IL1RAPL2: variants seen among roughly 807,000 people sequenced by gnomAD.
The protein encoded by IL1RAPL2 is X-linked interleukin-1 receptor accessory protein-like 2.
A neutral mutation model predicts 44.1 loss-of-function variants in IL1RAPL2; 3 were observed. The ratio of observed to expected loss-of-function variants is 0.07; its 90% CI spans 0.03 to 0.18. The LOEUF is 0.18. Among genes scored for constraint, IL1RAPL2 ranks in the 10% least tolerant of loss-of-function variants. IL1RAPL2 has a pLI of 1.00. For missense variants in IL1RAPL2, 391 were observed against 496.4 expected (o/e 0.79, Z 2.02); for synonymous variants, 181 against 178.8 (o/e 1.01, Z -0.10).
intron 5 of IL1RAPL2, among the ~76,000 whole-genome samples, chrX:105,290,338 C>T (rs917225291): frequency 9.0e-6 from 1 of 111,402 alleles, no homozygotes; most frequent in Non-Finnish European, 1.9e-5. Context: ...AGTAGAGACA[C>T]ATACAAAATA....
intron 2 of IL1RAPL2, among the ~76,000 whole-genome samples, chrX:104,784,629 C>G (rs749287200): frequency 1.8e-5 from 2 of 109,972 alleles, no homozygotes; most frequent in Admixed American, 9.8e-5. Flanking sequence ...CACACATAAC[C>G]CTTCATGTAT....
intron 6 of IL1RAPL2, among the ~76,000 whole-genome samples, chrX:105,484,774 C>T (rs916043790): frequency 6.6e-5 from 7 of 106,661 alleles, no homozygotes; most frequent in Admixed American, 6.1e-4. Context: ...ATACAGGCTT[C>T]GGTTTCGCCT....
At chrX:105,640,691 T>C (rs866383439) in intron 6 of IL1RAPL2, among the ~76,000 whole-genome samples, 3,015 of 75,982 alleles carry the variant, frequency 0.04, 123 homozygotes, top group Admixed American at 0.13. Context: ...TATATATATA[T>C]ACACACACAT....
At chrX:105,041,270 A>C (rs1290044866) in intron 2 of IL1RAPL2, among the ~76,000 whole-genome samples, 5 of 110,936 alleles carry the variant, frequency 4.5e-5, no homozygotes, top group Non-Finnish European at 9.4e-5. Flanking sequence ...CTGTTCTTTT[A>C]CATTTGCTGA....
chrX:105,089,616 A>G (rs903250378), intron 2 of IL1RAPL2, among the ~76,000 whole-genome samples: 5 of 111,701 alleles, frequency 4.5e-5, no homozygotes, highest in Admixed American at 2.9e-4. Context: ...CAAGAGTGTT[A>G]TTAGTAGTAG....
At chrX:105,680,329 C>T (rs745589174) in intron 6 of IL1RAPL2, among the ~76,000 whole-genome samples, 6 of 112,041 alleles carry the variant, frequency 5.4e-5, no homozygotes, top group Admixed American at 9.5e-5. Flanking sequence ...GTTCTCAAAA[C>T]GTCCTAAAGT....
intron 2 of IL1RAPL2, among the ~76,000 whole-genome samples, chrX:104,915,836 C>A (rs1289446454): frequency 9.8e-5 from 11 of 111,769 alleles, no homozygotes; most frequent in African/African-American, 3.6e-4. Flanking sequence ...ATCCTTCCCC[C>A]ATTGCTTGTT....
At chrX:105,138,990 GAAAT>G (rs1469682861) in intron 2 of IL1RAPL2, among the ~76,000 whole-genome samples, 3 of 111,199 alleles carry the variant, frequency 2.7e-5, no homozygotes, top group Non-Finnish European at 5.7e-5. Context: ...TCTATAAAGA[GAAAT>G]AAATCTCTCT....
chrX:104,851,854 A>C (rs1922234068), intron 2 of IL1RAPL2, among the ~76,000 whole-genome samples: 1 of 111,907 alleles, frequency 8.9e-6, no homozygotes, highest in African/African-American at 3.2e-5. Flanking sequence ...GGAACCAAAC[A>C]GGAGGAGGAA....
At chrX:105,410,255 T>C (rs2035685220) in intron 5 of IL1RAPL2, among the ~76,000 whole-genome samples, 1 of 110,506 alleles carries the variant, frequency 9.0e-6, no homozygotes. Context: ...CATCAGTATC[T>C]ATATGTTATA....
At chrX:105,487,841 A>T (rs1196061269) in intron 6 of IL1RAPL2, among the ~76,000 whole-genome samples, 6 of 111,964 alleles carry the variant, frequency 5.4e-5, no homozygotes, top group Non-Finnish European at 1.1e-4. Context: ...TAAAAAAGAG[A>T]TAGAGAAAGA....
At chrX:104,936,389 A>G (rs938025716) in intron 2 of IL1RAPL2, among the ~76,000 whole-genome samples, 7 of 111,306 alleles carry the variant, frequency 6.3e-5, no homozygotes, top group African/African-American at 2.3e-4. Flanking sequence ...ATAGGAGTGT[A>G]CTGGGTCCAA....
intron 2 of IL1RAPL2, among the ~76,000 whole-genome samples, chrX:104,909,582 G>T (rs1239883890): frequency 8.9e-6 from 1 of 111,736 alleles, no homozygotes; most frequent in Non-Finnish European, 1.9e-5. Flanking sequence ...CTCAGCTGCA[G>T]GTCTGTTGGA....
chrX:104,583,657 T>G (rs1460593120), intron 1 of IL1RAPL2, among the ~76,000 whole-genome samples: 1 of 111,909 alleles, frequency 8.9e-6, no homozygotes, highest in Non-Finnish European at 1.9e-5. Context: ...TGGTAGACAT[T>G]TAGGTTGTTT....
intron 5 of IL1RAPL2, among the ~76,000 whole-genome samples, chrX:105,463,852 A>G (rs916821196): frequency 4.5e-5 from 5 of 112,322 alleles, no homozygotes; most frequent in Non-Finnish European, 9.4e-5. Flanking sequence ...TGCATACAGA[A>G]AGTAATTTTG....
chrX:105,322,509 G>A (rs2034904132), intron 5 of IL1RAPL2, among the ~76,000 whole-genome samples: 1 of 111,323 alleles, frequency 9.0e-6, no homozygotes. Context: ...AGTCCTTTGT[G>A]GTTATGAGGT....
intron 2 of IL1RAPL2, among the ~76,000 whole-genome samples, chrX:105,035,495 G>T (rs1208737113): frequency 8.9e-6 from 1 of 112,077 alleles, no homozygotes; most frequent in Non-Finnish European, 1.9e-5. Flanking sequence ...GGGAAATACT[G>T]TAAGCCAGAG....
At chrX:105,537,864 A>G (rs891573494) in intron 6 of IL1RAPL2, among the ~76,000 whole-genome samples, 1 of 110,063 alleles carries the variant, frequency 9.1e-6, no homozygotes, top group Non-Finnish European at 1.9e-5. Flanking sequence ...CTTTATCTGC[A>G]TACATATTCT....
chrX:105,640,779 TATAGATATAGATATAGATAGAG>T (rs1205609548), intron 6 of IL1RAPL2, among the ~76,000 whole-genome samples: 3 of 97,457 alleles, frequency 3.1e-5, no homozygotes, highest in African/African-American at 1.1e-4. Context: ...TAGATATAGA[TATAGATATAGATATAGATAGAG>T]AGAGAGACCG....
Sources: gnomAD v4.1 joint callset for allele counts (sites outside exome capture counted in the v4.1 genomes callset) on GRCh38, gnomAD v4.1.1 for gene constraint, MANE v1.5 for transcripts, NCBI Gene and HGNC (gene_info 2026-07-23, HGNC 2026-07-21) for gene names.